ASAP2: variants seen among roughly 807,000 people sequenced by gnomAD.
ASAP2 encodes the protein arf-GAP with SH3 domain, ANK repeat and PH domain-containing protein 2.
A neutral mutation model predicts 131.4 loss-of-function variants in ASAP2; 45 were observed. The observed-to-expected ratio is 0.34, with a 90% CI of 0.27 to 0.44. The LOEUF is 0.44. Ranked by LOEUF, ASAP2 falls within the 20% of genes least tolerant of loss-of-function variation. The pLI is 1.00. For missense variants in ASAP2, 1,011 were observed against 1,297.0 expected (o/e 0.78, Z 3.39); for synonymous variants, 510 against 503.0 (o/e 1.01, Z -0.19).
chr2:9,326,893 TTA>T (rs1211656159), intron 6 of ASAP2, among the ~76,000 whole-genome samples: 2 of 152,214 alleles, frequency 1.3e-5, no homozygotes, highest in Non-Finnish European at 2.9e-5. Flanking sequence ...ACTTTTGTGG[TTA>T]TCTTCTTAGA....
chr2:9,303,852 A>AAAGTGGGAG (rs1668652864), intron 3 of ASAP2, among the ~76,000 whole-genome samples: 1 of 152,140 alleles, frequency 6.6e-6, no homozygotes, highest in Admixed American at 6.5e-5. Context: ...CCATACAGAG[A>AAAGTGGGAG]AAGTGGGAGA....
chr2:9,374,978 A>AT, intron 17 of ASAP2, 34 bp downstream of exon 17: 1 of 1,543,544 alleles, frequency 6.5e-7, no homozygotes, highest in East Asian at 2.3e-5. Context: ...TTTAAAAAAA[A>AT]AAAAAAGGCC....
In ASAP2 at chr2:9,392,252, G is replaced by T. The variant is rs149641248; in HGVS notation, c.2518+1056G>T. Among the ~76,000 whole-genome samples the T allele has an allele frequency of 1.3e-5, 2 of 152,346 alleles. No homozygotes were observed. The highest frequency in any genetic ancestry group is 3.4e-3 in the Middle Eastern group (1 of 294). Reference sequence around the variant, plus strand: ...TTTTAGGAAGAAGTTTTTCTCCAGTGTACAGAACTAAAGTCTTTTTTCACT... The same window carrying T: ...TTTTAGGAAGAAGTTTTTCTCCAGTTTACAGAACTAAAGTCTTTTTTCACT... On this transcript the variant is annotated intron_variant, in intron 23 of 27. Coordinates refer to ENST00000281419, the MANE Select transcript of ASAP2 (RefSeq NM_003887.3). This position sits in a 1 kb window ranked among gnomAD's most constrained non-coding sequence, Gnocchi z 4.0.
intron 2 of ASAP2, among the ~76,000 whole-genome samples, chr2:9,292,905 G>A (rs937243370): frequency 3.9e-5 from 6 of 152,306 alleles, no homozygotes; most frequent in South Asian, 2.1e-4. Flanking sequence ...GCTGGGGGAC[G>A]CCCATCCTCT....
chr2:9,260,984 T>A (rs557909423), intron 1 of ASAP2, among the ~76,000 whole-genome samples: 1 of 152,134 alleles, frequency 6.6e-6, no homozygotes, highest in African/African-American at 2.4e-5. Context: ...AACTTTAGAT[T>A]CTTGTGCCCC....
At chr2:9,400,266 T>TGCCC (rs1676536984) in intron 25 of ASAP2, among the ~76,000 whole-genome samples, 194 bp downstream of exon 25, 18 of 80,386 alleles carry the variant, frequency 2.2e-4, no homozygotes, top group African/African-American at 8.5e-4. Flanking sequence ...CCTGCCCTCT[T>TGCCC]CCTCTCCTTC....
chr2:9,254,503 C>A (rs1219412794), intron 1 of ASAP2, among the ~76,000 whole-genome samples: 8 of 143,888 alleles, frequency 5.6e-5, no homozygotes, highest in African/African-American at 2.1e-4. Flanking sequence ...CAGGCATGCA[C>A]CACTACCCCC....
intron 12 of ASAP2, among the ~76,000 whole-genome samples, chr2:9,353,482 A>G (rs904133819): frequency 1.3e-5 from 2 of 152,088 alleles, no homozygotes; most frequent in Non-Finnish European, 2.9e-5. Flanking sequence ...GCTTGAGTTC[A>G]GGAGGTTGAG....
At chr2:9,371,082 ACACTGT>A (rs1673912163) in intron 16 of ASAP2, among the ~76,000 whole-genome samples, 1 of 152,194 alleles carries the variant, frequency 6.6e-6, no homozygotes. Context: ...TAAAAAATGA[ACACTGT>A]CAATGTGGAA....
intron 2 of ASAP2, among the ~76,000 whole-genome samples, chr2:9,289,874 G>T (rs550096019): frequency 6.6e-6 from 1 of 152,214 alleles, no homozygotes; most frequent in Admixed American, 6.5e-5. Flanking sequence ...AAGACTGGCT[G>T]TTTCTTGAGG....
At chr2:9,286,447 A>ATATATATATATATATATATATATATAT (rs1553304560) in intron 2 of ASAP2, among the ~76,000 whole-genome samples, 3 of 148,418 alleles carry the variant, frequency 2.0e-5, no homozygotes, top group African/African-American at 7.6e-5. Context: ...GAAAAAAAAA[A>ATATATATATATATATATATATATATAT]ATATATATAT....
rs141818006 is a variant in ASAP2 at position 9,403,649 on chromosome 2, A to G, written c.*322A>G. 611 of 257,794 alleles carry G rather than the reference A, an allele frequency of 2.4e-3. 3 individuals are homozygous for G. Among genetic ancestry groups the G allele is most frequent in the African/African-American group, 0.013 (575 of 44,480 alleles). 16.0% of individuals were successfully genotyped at this position (257,794 alleles called of 1,614,324 possible). Reference sequence around the variant, plus strand: ...GCTAAACCTAAAAATGTTTGCATTAATGAATAAATTCTTCCTGCATTCCTT... The same window carrying G: ...GCTAAACCTAAAAATGTTTGCATTAGTGAATAAATTCTTCCTGCATTCCTT... On this transcript the variant is annotated 3_prime_UTR_variant, in exon 28 of 28. Coordinates refer to ENST00000281419, the MANE Select transcript of ASAP2 (RefSeq NM_003887.3).
Position 9,311,721 on chromosome 2 carries a change from C to G in ASAP2, c.346-6803C>G, listed in dbSNP as rs1363960545. On this transcript the variant is annotated intron_variant, in intron 3 of 27. Transcript: ENST00000281419. This position sits in a 1 kb window ranked among gnomAD's most constrained non-coding sequence, Gnocchi z 5.2. ...GGCTCGTTCGGCTGCGGGCCTGAGG[C>G]TGCTGGACACACAGAGGAAGCCCAG... Among the ~76,000 whole-genome samples, 1 of 152,242 alleles carries G rather than the reference C, an allele frequency of 6.6e-6. No homozygotes were observed. Among genetic ancestry groups the G allele is most frequent in the African/African-American group, 2.4e-5 (1 of 41,464 alleles).
chr2:9,359,006 G>A (rs984215708), intron 15 of ASAP2, 117 bp downstream of exon 15: 1 of 1,275,640 alleles, frequency 7.8e-7, no homozygotes, highest in African/African-American at 1.5e-5. Flanking sequence ...TGCCAGATTG[G>A]TTTGGATAAT....
At chr2:9,276,694 C>T (rs1304720321) in intron 1 of ASAP2, among the ~76,000 whole-genome samples, 1 of 152,098 alleles carries the variant, frequency 6.6e-6, no homozygotes. Flanking sequence ...CACCCACCAA[C>T]ACGCCCGGCT....
chr2:9,316,817 A>G (rs1475495776), intron 3 of ASAP2, among the ~76,000 whole-genome samples: 2 of 151,166 alleles, frequency 1.3e-5, no homozygotes, highest in Non-Finnish European at 3.0e-5. Context: ...GTGTGTCCCC[A>G]CTCTCCTGCC....
chr2:9,370,091 G>A (rs1484235769), intron 16 of ASAP2, among the ~76,000 whole-genome samples: 1 of 152,174 alleles, frequency 6.6e-6, no homozygotes, highest in East Asian at 1.9e-4. Flanking sequence ...GCCCACCTTG[G>A]CCTCCCAAAG....
At chr2:9,374,728 T>C (rs758754539) in intron 16 of ASAP2, 27 bp from the exon 17 acceptor site, 3 of 1,566,286 alleles carry the variant, frequency 1.9e-6, no homozygotes, top group Non-Finnish European at 2.6e-6. Context: ...CCTTCATGAT[T>C]TGCAAGGCAA....
intron 24 of ASAP2, among the ~76,000 whole-genome samples, chr2:9,395,585 G>GTTTTTTTCTTTT (rs1676058980): frequency 1.3e-5 from 1 of 76,214 alleles, no homozygotes; most frequent in African/African-American, 3.9e-5. Flanking sequence ...TTTTTCTTGT[G>GTTTTTTTCTTTT]TTTTTTTTCT....
Sources: gnomAD v4.1 joint callset for allele counts (sites outside exome capture counted in the v4.1 genomes callset) on GRCh38, gnomAD v4.1.1 for gene constraint, Gnocchi (gnomAD v3.1) non-coding constraint, MANE v1.5 for transcripts, NCBI Gene and HGNC (gene_info 2026-07-23, HGNC 2026-07-21) for gene names.